Variants in PLA2G4A observed in about 807,000 individuals in gnomAD.
PLA2G4A encodes the protein phospholipase A2 group IVA.
In PLA2G4A, 40 loss-of-function variants were observed where a neutral mutation model predicts 81.9. The observed-to-expected ratio is 0.49, with a 90% CI of 0.38 to 0.64. PLA2G4A has a LOEUF of 0.64. Ranked by LOEUF, PLA2G4A falls within the 30% of genes least tolerant of loss-of-function variation. The pLI is 0.00. For missense variants in PLA2G4A, 715 were observed against 905.1 expected (o/e 0.79, Z 2.69); for synonymous variants, 302 against 296.9 (o/e 1.02, Z -0.18).
chr1:186,947,522 A>G (rs1656387897), intron 12 of PLA2G4A, among the ~76,000 whole-genome samples: 1 of 152,216 alleles, frequency 6.6e-6, no homozygotes, highest in Non-Finnish European at 1.5e-5. Flanking sequence ...AACCTGAGAA[A>G]GTAGACAATC....
chr1:186,862,402 G>T (rs12720504), intron 2 of PLA2G4A, among the ~76,000 whole-genome samples: 4,374 of 151,928 alleles, frequency 0.029, 73 homozygotes, highest in Non-Finnish European at 0.04. Flanking sequence ...TTTTAATAGC[G>T]ATGGTCACCA....
chr1:186,838,133 T>A (rs191692983), intron 1 of PLA2G4A, among the ~76,000 whole-genome samples: 1 of 152,228 alleles, frequency 6.6e-6, no homozygotes, highest in Non-Finnish European at 1.5e-5. Flanking sequence ...CAAAGAAATT[T>A]AGAAAGATGT....
rs769247482 is a variant in PLA2G4A, at chr1:186,988,512, A to T, written c.*4A>T. ...TCTAAGTAAACCCAAAGCATAGTTC[A>T]TGTACTGGAAATGGCAGCAGTTTCT... On this transcript the variant is annotated 3_prime_UTR_variant, in exon 18 of 18. Coordinates refer to ENST00000367466, the MANE Select transcript of PLA2G4A (RefSeq NM_024420.3). 3 of 1,610,388 alleles carry T rather than the reference A, an allele frequency of 1.9e-6. No homozygotes were observed. The South Asian group carries it at 3.3e-5, about 18-fold the overall frequency.
intron 13 of PLA2G4A, among the ~76,000 whole-genome samples, chr1:186,951,936 A>G (rs903799681): frequency 1.9e-4 from 29 of 152,314 alleles, no homozygotes; most frequent in Admixed American, 5.9e-4. Flanking sequence ...GATCTGCCTA[A>G]TCAAATAATG....
At chr1:186,886,492 A>C (rs1028137988) in intron 3 of PLA2G4A, among the ~76,000 whole-genome samples, 3 of 152,190 alleles carry the variant, frequency 2.0e-5, no homozygotes, top group African/African-American at 7.2e-5. Context: ...TGTAATTAGC[A>C]ATGTTATTAC....
In PLA2G4A at chr1:186,877,160, G is replaced by T. The variant is rs188729355; in HGVS notation, c.115+6644G>T. On this transcript the variant is annotated intron_variant, in intron 3 of 17. Coordinates refer to ENST00000367466, the MANE Select transcript of PLA2G4A (RefSeq NM_024420.3). Reference sequence around the variant, plus strand: ...GGTAGCTATTCTTGAGTTTCACAGTGATCAGAAGCTCCAGGAAAGATGGAG... The same window carrying T: ...GGTAGCTATTCTTGAGTTTCACAGTTATCAGAAGCTCCAGGAAAGATGGAG... Among the ~76,000 whole-genome samples the T allele has an allele frequency of 1.4e-3, 218 of 152,130 alleles. 1 individual carries two copies. The highest frequency in any genetic ancestry group is 2.7e-3 in the Non-Finnish European group (183 of 67,962).
At chr1:186,842,102 G>A (rs1337644672) in intron 1 of PLA2G4A, among the ~76,000 whole-genome samples, 16 of 150,250 alleles carry the variant, frequency 1.1e-4, no homozygotes, top group African/African-American at 3.9e-4. Flanking sequence ...AAGGGCAGTG[G>A]CGTGATCTCG....
intron 3 of PLA2G4A, among the ~76,000 whole-genome samples, chr1:186,890,432 C>T (rs951092167): frequency 6.6e-6 from 1 of 152,102 alleles, no homozygotes; most frequent in Admixed American, 6.5e-5. Flanking sequence ...TTGGGTCACT[C>T]GCTTTGTTGC....
intron 6 of PLA2G4A, among the ~76,000 whole-genome samples, chr1:186,909,524 T>C (rs980100551): frequency 1.9e-4 from 28 of 150,878 alleles, no homozygotes; most frequent in African/African-American, 6.3e-4. Context: ...GCCAGGTGTA[T>C]TGGTGCGTGC....
At chr1:186,832,523 G>A (rs1651630232) in intron 1 of PLA2G4A, among the ~76,000 whole-genome samples, 1 of 152,132 alleles carries the variant, frequency 6.6e-6, no homozygotes, top group African/African-American at 2.4e-5. Flanking sequence ...AAAGAGTAGA[G>A]TTTTCTATGT....
At chr1:186,835,009 A>T (rs1024582654) in intron 1 of PLA2G4A, among the ~76,000 whole-genome samples, 1 of 152,192 alleles carries the variant, frequency 6.6e-6, no homozygotes, top group African/African-American at 2.4e-5. Context: ...ACCCAACATT[A>T]GTTATACGCT....
chr1:186,934,993 T>G (rs1455822397), intron 8 of PLA2G4A, among the ~76,000 whole-genome samples: 1 of 151,820 alleles, frequency 6.6e-6, no homozygotes, highest in Non-Finnish European at 1.5e-5. Context: ...CACCAAGAAT[T>G]TAATTCATGG....
rs1195909452 is a variant in PLA2G4A at position 186,879,842 on chromosome 1, TA to T, written c.115+9327del. 1.7e-3 allele frequency among the ~76,000 whole-genome samples: 182 copies of T among 107,912 alleles called. 1 individual carries two copies. The highest frequency in any genetic ancestry group is 2.5e-3 in the Non-Finnish European group (101 of 39,928). 70.8% of individuals were successfully genotyped at this position (107,912 alleles called of 152,430 possible). On this transcript the variant is annotated intron_variant, in intron 3 of 17. Transcript: ENST00000367466. The stretch of plus-strand genomic sequence containing the variant: ...TTGTTTATTTTTATTTATTTATATA[TA>T]TATTTTTTTATTATATTTTAAGTTC...
At chr1:186,895,099 A>C (rs561217376) in intron 5 of PLA2G4A, among the ~76,000 whole-genome samples, 1 of 152,154 alleles carries the variant, frequency 6.6e-6, no homozygotes, top group Non-Finnish European at 1.5e-5. Context: ...TTGAGTCTCC[A>C]TGATAATTAT....
intron 3 of PLA2G4A, among the ~76,000 whole-genome samples, chr1:186,878,454 G>A (rs372651091): frequency 6.6e-6 from 1 of 150,960 alleles, no homozygotes; most frequent in African/African-American, 2.4e-5. Flanking sequence ...ATGTTTTAGA[G>A]TATCCACCCA....
At chr1:186,925,827 G>A (rs991498078) in intron 7 of PLA2G4A, among the ~76,000 whole-genome samples, 2 of 152,162 alleles carry the variant, frequency 1.3e-5, no homozygotes, top group African/African-American at 2.4e-5. Flanking sequence ...GACTGTGACT[G>A]TTTTCTCCAT....
chr1:186,956,315 A>T lies in PLA2G4A; in HGVS notation c.1550A>T (p.Asp517Val). 6.2e-7 allele frequency: 1 copy of T among 1,613,174 alleles called. No homozygotes were observed. Among genetic ancestry groups the T allele is most frequent in the Non-Finnish European group, 8.5e-7 (1 of 1,179,154 alleles). The change falls in exon 14 of 18, where the codon GAT becomes GTT. Residue 517 changes from aspartate to valine, a missense_variant. Transcript: ENST00000367466. ...LSDFATQDSF[D>V]DDELDAAVAD... Reference sequence around the variant, plus strand: ...GACTTTGCCACACAGGACTCCTTTGATGATGATGAACTGGATGCAGCTGTA... The same window carrying T: ...GACTTTGCCACACAGGACTCCTTTGTTGATGATGAACTGGATGCAGCTGTA...
rs553425208 is a variant in PLA2G4A, at chr1:186,830,417, G to T, written c.-70+1382G>T. Among the ~76,000 whole-genome samples, 22 of 151,984 alleles carry T rather than the reference G, an allele frequency of 1.4e-4. No homozygotes were observed. In the East Asian group the frequency reaches 3.9e-3, roughly 27 times the overall value. ...GAGGGCAGGAGTTCGAGACCAGCCT[G>T]GCCAACGTGGTGAAACCCCATCTCT... is the stretch of plus-strand genomic sequence containing the variant. On this transcript the variant is annotated intron_variant, in intron 1 of 17. Transcript: ENST00000367466.
chr1:186,912,795 T>TACATAA (rs1491113270), intron 7 of PLA2G4A, among the ~76,000 whole-genome samples: 5 of 123,460 alleles, frequency 4.0e-5, no homozygotes, highest in African/African-American at 2.0e-4. Context: ...TATATATATA[T>TACATAA]GTATATATAT....
Sources: allele counts gnomAD v4.1 joint callset (sites outside exome capture counted in the v4.1 genomes callset), GRCh38; gene constraint gnomAD v4.1.1; transcripts MANE v1.5; gene names NCBI Gene and HGNC (gene_info 2026-07-23, HGNC 2026-07-21).